ITSN2: variants seen among roughly 807,000 people sequenced by gnomAD.
The protein encoded by ITSN2 is intersectin 2.
Under a neutral mutation model 243.7 loss-of-function variants are expected in ITSN2, and 156 were observed. The ratio of observed to expected loss-of-function variants is 0.64; its 90% confidence interval spans 0.56 to 0.73. ITSN2 has a LOEUF of 0.73. ITSN2 is among the 30% of genes least tolerant of loss of function. ITSN2 has a pLI of 0.00. For missense variants in ITSN2, 1,801 were observed against 1,996.1 expected (o/e 0.90, Z 1.86); for synonymous variants, 703 against 699.9 (o/e 1.00, Z -0.07).
chr2:24,245,068 A>G (rs1481245458), intron 29 of ITSN2, among the ~76,000 whole-genome samples: 1 of 152,238 alleles, frequency 6.6e-6, no homozygotes, highest in African/African-American at 2.4e-5. Context: ...CTAAAAATTA[A>G]AAGAGTGGGA....
At chr2:24,308,351 C>T (rs569050641) in intron 8 of ITSN2, among the ~76,000 whole-genome samples, 26 of 152,326 alleles carry the variant, frequency 1.7e-4, no homozygotes, top group African/African-American at 5.8e-4. Context: ...GAGGTCTGAT[C>T]TTAAGGGACA....
Position 24,293,715 on chromosome 2 carries a change from T to A in ITSN2, c.1696A>T (p.Lys566Ter). ...PEKQLLNERI[K>*]NMQFSNTPDS... ...GGTGTGTTACTGAACTGCATGTTTT[T>A]AATTCTTTCATTTAATAATTGCTTC... is the stretch of plus-strand genomic sequence containing the variant. Residue 566 changes from lysine (K) to a stop codon, truncating the protein, a stop_gained, in exon 15 of 40, where the codon AAA becomes TAA. Transcript: ENST00000355123. LOFTEE classifies it high-confidence loss of function. 8.0e-7 allele frequency: 1 copy of A among 1,250,314 alleles called. No individual in the cohort carries two copies. Among genetic ancestry groups the A allele is most frequent in the Non-Finnish European group, 1.1e-6 (1 of 888,394 alleles). 77.5% of individuals were successfully genotyped at this position (1,250,314 alleles called of 1,614,324 possible).
At chr2:24,223,683 C>CAAA (rs61310660) in intron 29 of ITSN2, among the ~76,000 whole-genome samples, 6 of 87,362 alleles carry the variant, frequency 6.9e-5, no homozygotes, top group Admixed American at 2.9e-4. Flanking sequence ...GACCCTGTTT[C>CAAA]AAAAAAAAAA....
At chr2:24,226,382 T>C (rs1469851090) in intron 29 of ITSN2, among the ~76,000 whole-genome samples, 1 of 152,188 alleles carries the variant, frequency 6.6e-6, no homozygotes, top group Non-Finnish European at 1.5e-5. Context: ...GTAGGAAAAA[T>C]GTCCTCTCTC....
chr2:24,251,049 G>C (rs370644907), intron 25 of ITSN2, among the ~76,000 whole-genome samples: 18 of 151,118 alleles, frequency 1.2e-4, no homozygotes, highest in African/African-American at 4.4e-4. Context: ...AATTAGCTGG[G>C]TGTGGTGGCT....
chr2:24,271,442 T>C (rs1442367390), intron 19 of ITSN2, among the ~76,000 whole-genome samples: 1 of 152,204 alleles, frequency 6.6e-6, no homozygotes, highest in Non-Finnish European at 1.5e-5. Context: ...TGTTGTTTCA[T>C]TAAAATAAAT....
At chr2:24,310,124 T>G (rs1683069249) in intron 7 of ITSN2, among the ~76,000 whole-genome samples, 160 bp downstream of exon 7, 1 of 152,146 alleles carries the variant, frequency 6.6e-6, no homozygotes, top group South Asian at 2.1e-4. Context: ...AATAAAAAAT[T>G]TATTTTATGT....
At chr2:24,247,939 T>C (rs1345834448) in intron 27 of ITSN2, among the ~76,000 whole-genome samples, 1 of 152,152 alleles carries the variant, frequency 6.6e-6, no homozygotes, top group African/African-American at 2.4e-5. Flanking sequence ...CCATTTTTCT[T>C]CAGGAATCCT....
intron 17 of ITSN2, among the ~76,000 whole-genome samples, chr2:24,284,532 C>G (rs1315353323): frequency 1.3e-5 from 2 of 152,116 alleles, no homozygotes; most frequent in African/African-American, 4.8e-5. Context: ...GTGTCCTGGA[C>G]TTCTTTTGAG....
At chr2:24,207,567 C>T (rs1052937460) in intron 37 of ITSN2, among the ~76,000 whole-genome samples, 1 of 151,760 alleles carries the variant, frequency 6.6e-6, no homozygotes, top group Non-Finnish European at 1.5e-5. Flanking sequence ...CTACAGAGGT[C>T]GGGGAGAGGC....
chr2:24,275,307 C>A (rs192706574), intron 18 of ITSN2, among the ~76,000 whole-genome samples: 11 of 152,366 alleles, frequency 7.2e-5, no homozygotes, highest in Non-Finnish European at 1.2e-4. Flanking sequence ...CCTGCCTCAG[C>A]CTCCCAAATA....
At chr2:24,292,267 C>T (rs1246599250) in intron 15 of ITSN2, among the ~76,000 whole-genome samples, 1 of 152,174 alleles carries the variant, frequency 6.6e-6, no homozygotes, top group Non-Finnish European at 1.5e-5. Context: ...ATAGCCCCAT[C>T]ACGTCCTCAA....
chr2:24,203,516 T>A lies in ITSN2; in HGVS notation c.*110A>T. On this transcript the variant is annotated 3_prime_UTR_variant, in exon 40 of 40. Transcript: ENST00000355123. Reference sequence around the variant, plus strand: ...AACAGAGCCCCCAGCGTGCATGGCTTTGTGAGGGGTGAAGCTGCATGGTGC... The same window carrying A: ...AACAGAGCCCCCAGCGTGCATGGCTATGTGAGGGGTGAAGCTGCATGGTGC... 1 of 1,109,516 alleles carries A rather than the reference T, an allele frequency of 9.0e-7. No homozygotes were observed. The highest frequency in any genetic ancestry group is 1.3e-6 in the Non-Finnish European group (1 of 790,798). The allele number at this position is 1,109,516 out of a possible 1,614,324, so 68.7% of individuals were successfully genotyped here. A position where few individuals can be genotyped will look rare whatever the true frequency, so the allele number is the denominator to read the frequency against.
chr2:24,336,862 A>C (rs1294905171), intron 1 of ITSN2, among the ~76,000 whole-genome samples: 2 of 152,188 alleles, frequency 1.3e-5, no homozygotes, highest in East Asian at 3.8e-4. Flanking sequence ...CTCGATAAAC[A>C]TTTGCTGAAC....
intron 13 of ITSN2, among the ~76,000 whole-genome samples, chr2:24,297,400 C>A (rs749891349): frequency 3.3e-5 from 5 of 152,160 alleles, no homozygotes; most frequent in Non-Finnish European, 5.9e-5. Flanking sequence ...CAAACAAAGT[C>A]TTTTAACAAC....
intron 15 of ITSN2, among the ~76,000 whole-genome samples, chr2:24,289,935 T>A (rs1271987772): frequency 6.6e-6 from 1 of 152,218 alleles, no homozygotes; most frequent in Non-Finnish European, 1.5e-5. Context: ...CCCCATTGAT[T>A]ATGATAGCTG....
At position 24,249,452 on chromosome 2, in the gene ITSN2, C is replaced by T. The variant is rs1185605029; in HGVS notation, c.3121-570G>A. On this transcript the variant is annotated intron_variant, in intron 25 of 39. Coordinates refer to ENST00000355123, the MANE Select transcript of ITSN2 (RefSeq NM_006277.3). This position sits in a 1 kb window ranked among gnomAD's most constrained non-coding sequence, Gnocchi z 4.4. ...GTTTCACTTTAAAGGATAAACTGGC[C>T]CAACCACATTTCCTCTTTATAGGAA... 1.3e-5 allele frequency among the ~76,000 whole-genome samples: 2 copies of T among 152,078 alleles called. No individual in the cohort carries two copies. The highest frequency in any genetic ancestry group is 4.8e-5 in the African/African-American group (2 of 41,404).
intron 20 of ITSN2, among the ~76,000 whole-genome samples, chr2:24,266,632 T>C (rs1474551780): frequency 6.6e-6 from 1 of 152,028 alleles, no homozygotes; most frequent in Non-Finnish European, 1.5e-5. Flanking sequence ...AAGACTAGTT[T>C]AAAATAGTTA....
At chr2:24,317,944 TTG>T (rs1272830773) in intron 2 of ITSN2, among the ~76,000 whole-genome samples, 1 of 152,212 alleles carries the variant, frequency 6.6e-6, no homozygotes, top group Admixed American at 6.5e-5. Context: ...CAGTATTTTT[TTG>T]TTTTTCACAT....
Sources: gnomAD v4.1 joint callset for allele counts (sites outside exome capture counted in the v4.1 genomes callset) on GRCh38, gnomAD v4.1.1 for gene constraint, Gnocchi (gnomAD v3.1) non-coding constraint, MANE v1.5 for transcripts, NCBI Gene and HGNC (gene_info 2026-07-23, HGNC 2026-07-21) for gene names.